Variants in TFDP2 observed in about 807,000 individuals in gnomAD.
TFDP2 encodes the protein transcription factor Dp-2.
In TFDP2, 17 loss-of-function variants were observed where a neutral mutation model predicts 59.3. The observed-to-expected ratio is 0.29, with a 90% CI of 0.20 to 0.43. The LOEUF (loss-of-function observed/expected upper bound fraction) is 0.43. TFDP2 is among the 20% of genes least tolerant of loss of function. The pLI is 1.00. For synonymous variants in TFDP2, 180 were observed against 194.7 expected (o/e 0.92, Z 0.63); for missense variants, 391 against 528.8 (o/e 0.74, Z 2.56).
chr3:142,060,469 A>G (rs2059881827), intron 3 of TFDP2, among the ~76,000 whole-genome samples: 1 of 152,254 alleles, frequency 6.6e-6, no homozygotes, highest in Non-Finnish European at 1.5e-5. Context: ...ACAAATATAC[A>G]GTGAGCTCCT....
chr3:142,008,332 A>C (rs2108280815), intron 3 of TFDP2, among the ~76,000 whole-genome samples: 1 of 152,010 alleles, frequency 6.6e-6, no homozygotes, highest in Non-Finnish European at 1.5e-5. Context: ...ACTGTTCTGA[A>C]CACTCCCCTA....
chr3:142,048,490 G>A (rs186648769), intron 3 of TFDP2, among the ~76,000 whole-genome samples: 193 of 151,852 alleles, frequency 1.3e-3, no homozygotes, highest in Non-Finnish European at 2.0e-3. Context: ...TCCTAGTTTT[G>A]TCAGTAATAT....
At chr3:142,115,318 T>TC (rs1179643293) in intron 1 of TFDP2, among the ~76,000 whole-genome samples, 74 of 125,340 alleles carry the variant, frequency 5.9e-4, no homozygotes, top group African/African-American at 1.7e-3. Context: ...GCATTTTCTT[T>TC]TTTTTTTTTT....
At chr3:142,000,130 T>C in intron 4 of TFDP2, 1 of 530,040 alleles carries the variant, frequency 1.9e-6, no homozygotes, top group Middle Eastern at 3.7e-4. Context: ...CTGGGTGTCT[T>C]AGTCCATTCA....
intron 3 of TFDP2, among the ~76,000 whole-genome samples, chr3:142,025,857 G>T (rs1340065897): frequency 6.6e-6 from 1 of 152,084 alleles, no homozygotes; most frequent in East Asian, 1.9e-4. Flanking sequence ...CCAGCTACTT[G>T]GGGGGCTGAG....
At chr3:141,995,285 C>T in intron 4 of TFDP2, 144 bp from the exon 5 acceptor site, 1 of 538,654 alleles carries the variant, frequency 1.9e-6, no homozygotes, top group East Asian at 3.3e-5. Flanking sequence ...AAAATATAAG[C>T]AATGCCTTTG....
At chr3:141,978,737 A>G in intron 6 of TFDP2, 55 bp from the exon 7 acceptor site, 1 of 1,314,004 alleles carries the variant, frequency 7.6e-7, no homozygotes, top group Non-Finnish European at 1.0e-6. Context: ...GACTTTCTTT[A>G]CAAATCTCTG....
At position 141,953,986 on chromosome 3, in the gene TFDP2, C is replaced by T. The variant is rs528425966; in HGVS notation, c.1052-970G>A. Among the ~76,000 whole-genome samples the T allele has an allele frequency of 9.4e-4, 142 of 151,434 alleles. 1 individual carries two copies. In the South Asian group the frequency reaches 0.01, roughly 11 times the overall value. On this transcript the variant is annotated intron_variant, in intron 11 of 12. Transcript: ENST00000489671. ...GGGAGTTCTGTCCAACATGGAGAAA[C>T]CCCATCTCTATTAAAAATACAAAAT... is the stretch of plus-strand genomic sequence containing the variant.
chr3:142,125,346 G>C (rs898123236), intron 1 of TFDP2, among the ~76,000 whole-genome samples: 17 of 152,112 alleles, frequency 1.1e-4, no homozygotes, highest in African/African-American at 4.1e-4. Flanking sequence ...GAAACATGAG[G>C]GAAAACAGAG....
rs1275916513 is a variant in TFDP2 at position 141,946,386 on chromosome 3, A to G, written c.*6127T>C. ...AAGGGGCAAGACAGCATTGACTTCA[A>G]CAGGCCTTTTTTGTAAAGCAAAAGG... On this transcript the variant is annotated 3_prime_UTR_variant, in exon 13 of 13. Coordinates refer to ENST00000489671, the MANE Select transcript of TFDP2 (RefSeq NM_001178139.2). 1 of 152,272 alleles carries G rather than the reference A, an allele frequency of 6.6e-6. No homozygotes were observed. The highest frequency in any genetic ancestry group is 2.4e-5 in the African/African-American group (1 of 41,468). The allele number at this position is 152,272 out of a possible 1,614,324, so 9.4% of individuals were successfully genotyped here.
At chr3:142,032,023 T>C (rs962585410) in intron 3 of TFDP2, among the ~76,000 whole-genome samples, 7 of 152,208 alleles carry the variant, frequency 4.6e-5, no homozygotes, top group African/African-American at 1.7e-4. Flanking sequence ...TTAAAAACAT[T>C]GCATAGTAAA....
At chr3:142,099,109 G>A (rs1260432108) in intron 2 of TFDP2, among the ~76,000 whole-genome samples, 1 of 152,210 alleles carries the variant, frequency 6.6e-6, no homozygotes, top group Non-Finnish European at 1.5e-5. Flanking sequence ...GCCTCTGTAA[G>A]AGGGCAATCT....
intron 3 of TFDP2, among the ~76,000 whole-genome samples, chr3:142,089,173 C>T (rs2060915375): frequency 6.6e-6 from 1 of 151,652 alleles, no homozygotes; most frequent in Non-Finnish European, 1.5e-5. Flanking sequence ...GCTGCTCTAA[C>T]ATTCTACAAT....
chr3:142,050,461 C>T (rs1394780233), intron 3 of TFDP2, among the ~76,000 whole-genome samples: 2 of 152,036 alleles, frequency 1.3e-5, no homozygotes, highest in East Asian at 1.9e-4. Context: ...TTTAGGAGGC[C>T]GAGGCAGGCG....
intron 6 of TFDP2, among the ~76,000 whole-genome samples, chr3:141,984,805 G>A (rs1362288446): frequency 6.6e-6 from 1 of 152,170 alleles, no homozygotes; most frequent in East Asian, 1.9e-4. Flanking sequence ...ATAAGATGCT[G>A]TAGTTTATGT....
At chr3:141,985,519 C>CAAAAAAAAA (rs61684289) in intron 6 of TFDP2, among the ~76,000 whole-genome samples, 1 of 74,426 alleles carries the variant, frequency 1.3e-5, no homozygotes, top group African/African-American at 5.6e-5. Flanking sequence ...GACGCTGTCT[C>CAAAAAAAAA]AAAAAAAAAA....
intron 6 of TFDP2, chr3:141,989,093 T>C (rs1253755299): frequency 6.6e-6 from 1 of 152,248 alleles, no homozygotes; most frequent in Non-Finnish European, 1.5e-5. Flanking sequence ...ATTTTATTGT[T>C]CTTTTTTATC....
rs2060298050 is a variant in TFDP2, at chr3:142,072,996, C to T, written c.82+20065G>A. On this transcript the variant is annotated intron_variant, in intron 3 of 12. Coordinates refer to ENST00000489671, the MANE Select transcript of TFDP2 (RefSeq NM_001178139.2). Reference sequence around the variant, plus strand: ...AGAAAAGGAGAGGGGTAAAGACTAACTTTACTGTGGAGAAACCTGACAAAA... The same window carrying T: ...AGAAAAGGAGAGGGGTAAAGACTAATTTTACTGTGGAGAAACCTGACAAAA... 2.0e-5 allele frequency among the ~76,000 whole-genome samples: 3 copies of T among 152,334 alleles called. No homozygotes were observed. The South Asian group carries it at 6.2e-4, about 32-fold the overall frequency.
intron 1 of TFDP2, among the ~76,000 whole-genome samples, chr3:142,130,856 A>G (rs1029424162): frequency 9.2e-5 from 14 of 152,000 alleles, no homozygotes; most frequent in Admixed American, 4.6e-4. Flanking sequence ...GTTCAAGACC[A>G]GCCTGGCCAA....
Sources: gnomAD v4.1 joint callset for allele counts (sites outside exome capture counted in the v4.1 genomes callset) on GRCh38, gnomAD v4.1.1 for gene constraint, MANE v1.5 for transcripts, NCBI Gene and HGNC (gene_info 2026-07-23, HGNC 2026-07-21) for gene names.